Variants in RIT2 observed in about 807,000 individuals in gnomAD.
The protein encoded by RIT2 is Ras like without CAAX 2, also known as GTP-binding protein Rit2.
Under a neutral mutation model 23.7 loss-of-function variants are expected in RIT2, and 24 were observed. The ratio of observed to expected loss-of-function variants is 1.01; its 90% CI spans 0.73 to 1.43. The LOEUF (loss-of-function observed/expected upper bound fraction) is 1.43. Among genes scored for constraint, RIT2 ranks in the 40% most tolerant of loss-of-function variants. The probability of loss-of-function intolerance (pLI) is 0.00; values close to 1 mark genes in which losing one functional copy is unlikely to be tolerated. For synonymous variants in RIT2, 107 were observed against 91.1 expected (o/e 1.17, Z -0.99); for missense variants, 236 against 266.9 (o/e 0.88, Z 0.81).
chr18:42,759,269 C>A (rs1390862505), intron 4 of RIT2, among the ~76,000 whole-genome samples: 1 of 152,106 alleles, frequency 6.6e-6, no homozygotes, highest in Non-Finnish European at 1.5e-5. Flanking sequence ...CACATTCCTC[C>A]ATAAAATGAC....
chr18:42,898,912 G>A lies in RIT2; in HGVS notation c.426+24660C>T, dbSNP rs139191916. ...ACATAAGTGATATGTCCTTTTCAGC[G>A]CCCCTCATTGGAGCACAAAATATTC... On this transcript the variant is annotated intron_variant, in intron 4 of 4. Transcript: ENST00000326695. 7.0e-3 allele frequency among the ~76,000 whole-genome samples: 1,064 copies of A among 152,100 alleles called. 9 individuals carry two copies. Among genetic ancestry groups the A allele is most frequent in the African/African-American group, 0.023 (965 of 41,488 alleles).
At chr18:42,888,539 C>A (rs1042516804) in intron 4 of RIT2, among the ~76,000 whole-genome samples, 2 of 148,356 alleles carry the variant, frequency 1.3e-5, no homozygotes, top group African/African-American at 2.5e-5. Context: ...TATTTTTTTT[C>A]TTTTTAAATA....
At position 43,096,092 on chromosome 18, in the gene RIT2, T is replaced by C. The variant is rs569355490; in HGVS notation, c.103+19325A>G. ...TCCGGAAAAGTGAGACTATTTCACA[T>C]TGGAGTAGAAAAAGGAAGGAAGGAA... On this transcript the variant is annotated intron_variant, in intron 1 of 4. Transcript: ENST00000326695. Among the ~76,000 whole-genome samples, 14 of 151,938 alleles carry C rather than the reference T, an allele frequency of 9.2e-5. No homozygotes were observed. In the South Asian group the frequency reaches 2.1e-3, roughly 23 times the overall value.
intron 1 of RIT2, among the ~76,000 whole-genome samples, chr18:43,041,913 G>T (rs893256352): frequency 2.6e-5 from 4 of 151,836 alleles, no homozygotes; most frequent in African/African-American, 9.7e-5. Flanking sequence ...ATAGAAAGGG[G>T]TTATTTCCTA....
intron 4 of RIT2, among the ~76,000 whole-genome samples, chr18:42,796,551 A>G (rs1039113707): frequency 3.3e-5 from 5 of 152,146 alleles, no homozygotes; most frequent in African/African-American, 4.8e-5. Context: ...TATGAGATGG[A>G]CAGACTAATA....
At chr18:42,745,295 T>G (rs8088128) in intron 4 of RIT2, among the ~76,000 whole-genome samples, 1 of 152,146 alleles carries the variant, frequency 6.6e-6, no homozygotes, top group African/African-American at 2.4e-5. Flanking sequence ...AAAAAAAACC[T>G]TCATTATTTT....
intron 2 of RIT2, among the ~76,000 whole-genome samples, chr18:43,008,312 A>G (rs1460891443): frequency 6.6e-6 from 1 of 151,644 alleles, no homozygotes; most frequent in African/African-American, 2.4e-5. Context: ...TTATATGTAC[A>G]CATATACATA....
chr18:43,064,412 A>G (rs921383424), intron 1 of RIT2, among the ~76,000 whole-genome samples: 2 of 152,192 alleles, frequency 1.3e-5, no homozygotes, highest in African/African-American at 4.8e-5. Context: ...AGTAATGTAC[A>G]TTTTGGAGGT....
intron 4 of RIT2, among the ~76,000 whole-genome samples, chr18:42,831,320 C>T (rs753390959): frequency 6.6e-5 from 10 of 152,178 alleles, no homozygotes; most frequent in Non-Finnish European, 1.0e-4. Context: ...CAAGCAAATG[C>T]TTCAGAGGAA....
chr18:42,879,531 T>C (rs1285655893), intron 4 of RIT2, among the ~76,000 whole-genome samples: 5 of 139,752 alleles, frequency 3.6e-5, no homozygotes, highest in African/African-American at 1.2e-4. Flanking sequence ...ACTTCTTTTT[T>C]GTTTTATTTG....
At chr18:42,981,434 C>A (rs538413411) in intron 2 of RIT2, among the ~76,000 whole-genome samples, 1 of 152,224 alleles carries the variant, frequency 6.6e-6, no homozygotes, top group African/African-American at 2.4e-5. Context: ...TTCCAATGTA[C>A]CTCTGATGCC....
chr18:43,019,937 T>C (rs529931605), intron 2 of RIT2, among the ~76,000 whole-genome samples: 23 of 150,158 alleles, frequency 1.5e-4, no homozygotes, highest in African/African-American at 3.9e-4. Context: ...CCATCTACAA[T>C]AGTTACCAAA....
At chr18:42,897,799 T>C (rs756031962) in intron 4 of RIT2, among the ~76,000 whole-genome samples, 1 of 152,196 alleles carries the variant, frequency 6.6e-6, no homozygotes, top group African/African-American at 2.4e-5. Context: ...CTAGCATCAT[T>C]CAAAAATAGG....
At chr18:43,040,248 T>C (rs553405015) in intron 1 of RIT2, among the ~76,000 whole-genome samples, 73 of 152,284 alleles carry the variant, frequency 4.8e-4, no homozygotes, top group African/African-American at 1.7e-3. Flanking sequence ...GCTGCATGCA[T>C]GTGTGAGTGT....
chr18:42,786,053 C>A (rs914880307), intron 4 of RIT2, among the ~76,000 whole-genome samples: 1 of 152,028 alleles, frequency 6.6e-6, no homozygotes, highest in African/African-American at 2.4e-5. Flanking sequence ...TAATTCACAG[C>A]AGATGAAAAG....
At chr18:42,904,034 A>G (rs1908547695) in intron 4 of RIT2, among the ~76,000 whole-genome samples, 1 of 152,114 alleles carries the variant, frequency 6.6e-6, no homozygotes, top group Non-Finnish European at 1.5e-5. Flanking sequence ...GTAATGCTAT[A>G]TTTATTATAA....
intron 2 of RIT2, among the ~76,000 whole-genome samples, chr18:42,992,413 G>T (rs1910874164): frequency 6.6e-6 from 1 of 151,990 alleles, no homozygotes; most frequent in African/African-American, 2.4e-5. Flanking sequence ...TCCCTCCCTA[G>T]ACTCTCTTCC....
intron 1 of RIT2, among the ~76,000 whole-genome samples, chr18:43,113,832 C>G (rs980165572): frequency 2.6e-4 from 39 of 152,182 alleles, no homozygotes; most frequent in African/African-American, 9.4e-4. Flanking sequence ...CAGCATCTCC[C>G]TGACCTCACA....
rs4264475 is a variant in RIT2, at chr18:43,087,085, A to G, written c.103+28332T>C. On this transcript the variant is annotated intron_variant, in intron 1 of 4. Coordinates refer to ENST00000326695, the MANE Select transcript of RIT2 (RefSeq NM_002930.4). Reference sequence around the variant, plus strand: ...GCCAACATAGCAAAATCCTGTCTCTACTAAAAATACAAAAATTAGCTGGGT... The same window carrying G: ...GCCAACATAGCAAAATCCTGTCTCTGCTAAAAATACAAAAATTAGCTGGGT... 1.1e-4 allele frequency among the ~76,000 whole-genome samples: 17 copies of G among 152,114 alleles called. No homozygotes were observed. In the East Asian group the frequency reaches 1.6e-3, roughly 14 times the overall value.
Sources: gnomAD v4.1 joint callset for allele counts (sites outside exome capture counted in the v4.1 genomes callset) on GRCh38, gnomAD v4.1.1 for gene constraint, MANE v1.5 for transcripts, NCBI Gene and HGNC (gene_info 2026-07-23, HGNC 2026-07-21) for gene names.